Variants in CALN1 observed in about 807,000 individuals in gnomAD.
CALN1 encodes calneuron 1.
A neutral mutation model predicts 30.6 loss-of-function variants in CALN1; 17 were observed. The observed-to-expected ratio is 0.56, with a 90% CI of 0.38 to 0.83. The LOEUF is 0.83. Among genes scored for constraint, CALN1 ranks in the 40% least tolerant of loss-of-function variants. The pLI, the probability that CALN1 is intolerant of heterozygous loss-of-function variation, is 0.00. For missense variants in CALN1, 291 were observed against 354.9 expected (o/e 0.82, Z 1.45); for synonymous variants, 156 against 131.4 (o/e 1.19, Z -1.28).
Position 71,964,652 on chromosome 7 carries a change from C to G in CALN1, c.501+59005G>C, listed in dbSNP as rs572358187. Among the ~76,000 whole-genome samples the G allele has an allele frequency of 8.7e-5, 13 of 149,892 alleles. No homozygotes were observed. In the South Asian group the frequency reaches 2.3e-3, roughly 26 times the overall value. ...ACTCCAGCCTGGCAACAGAGCGAGA[C>G]TCTGTCTCAAAAAAAAACCAAACCA... On this transcript the variant is annotated intron_variant, in intron 5 of 6. Coordinates refer to ENST00000395275, the MANE Select transcript of CALN1 (RefSeq NM_031468.4).
At chr7:72,455,231 G>A in the CALN1 span, among the ~76,000 whole-genome samples, 1 of 151,924 alleles carries the variant, frequency 6.6e-6, no homozygotes, top group African/African-American at 2.4e-5. Context: ...GAGCCCAGGA[G>A]TTTGAAGCTG....
intron 3 of CALN1, among the ~76,000 whole-genome samples, chr7:72,136,518 T>C (rs1303396766): frequency 1.3e-5 from 2 of 152,238 alleles, no homozygotes; most frequent in East Asian, 3.8e-4. Flanking sequence ...GCAATAAGGC[T>C]GCTTTGCTTT....
chr7:71,934,661 G>A (rs1795736094), intron 5 of CALN1, among the ~76,000 whole-genome samples: 1 of 152,152 alleles, frequency 6.6e-6, no homozygotes, highest in African/African-American at 2.4e-5. Context: ...CTGTCCCTAT[G>A]ACCCAAACAC....
intron 2 of CALN1, among the ~76,000 whole-genome samples, chr7:72,333,195 A>T (rs2129558237): frequency 1.3e-5 from 2 of 152,274 alleles, no homozygotes; most frequent in Middle Eastern, 6.8e-3. Context: ...CAGCTCAGAC[A>T]TCACCTCCAC....
At chr7:72,135,161 C>G (rs1010119806) in intron 3 of CALN1, among the ~76,000 whole-genome samples, 3 of 152,188 alleles carry the variant, frequency 2.0e-5, no homozygotes, top group African/African-American at 7.2e-5. Flanking sequence ...AAGTCTTGAA[C>G]CCCTCAACAT....
intron 4 of CALN1, among the ~76,000 whole-genome samples, chr7:72,090,334 T>A (rs1331351992): frequency 2.0e-5 from 3 of 152,086 alleles, no homozygotes; most frequent in Non-Finnish European, 1.5e-5. Flanking sequence ...AACTAGAAAC[T>A]TAAAAATCCC....
intron 5 of CALN1, among the ~76,000 whole-genome samples, chr7:71,956,743 T>C (rs1188603147): frequency 1.3e-5 from 2 of 152,088 alleles, no homozygotes; most frequent in African/African-American, 2.4e-5. Flanking sequence ...GCCACCCAAG[T>C]TGGAGTGCAG....
intron 5 of CALN1, among the ~76,000 whole-genome samples, chr7:72,010,616 A>T (rs1800015358): frequency 1.3e-5 from 2 of 151,196 alleles, no homozygotes; most frequent in Non-Finnish European, 2.9e-5. Context: ...GTTCAAGACC[A>T]GCCTGACCAA....
chr7:72,066,961 T>C (rs1463957504), intron 4 of CALN1, among the ~76,000 whole-genome samples: 1 of 151,652 alleles, frequency 6.6e-6, no homozygotes, highest in Admixed American at 6.6e-5. Flanking sequence ...TTTTTTTTTT[T>C]GTATTTTAGT....
At chr7:72,150,806 T>C (rs1787175565) in intron 3 of CALN1, among the ~76,000 whole-genome samples, 1 of 152,176 alleles carries the variant, frequency 6.6e-6, no homozygotes, top group African/African-American at 2.4e-5. Flanking sequence ...GACTCAGTAA[T>C]GTAAAACATG....
chr7:72,301,821 C>G (rs575295460), intron 2 of CALN1, among the ~76,000 whole-genome samples: 7 of 152,218 alleles, frequency 4.6e-5, no homozygotes, highest in Middle Eastern at 6.8e-3. Flanking sequence ...GAGAGAAAGG[C>G]TGCTACTAAA....
At chr7:72,401,440 T>C (rs911216368) in intron 2 of CALN1, among the ~76,000 whole-genome samples, 1 of 152,120 alleles carries the variant, frequency 6.6e-6, no homozygotes, top group African/African-American at 2.4e-5. Flanking sequence ...AATGTGTGGA[T>C]ACATCCCCAA....
intron 2 of CALN1, among the ~76,000 whole-genome samples, chr7:72,401,653 C>T: frequency 6.6e-6 from 1 of 152,134 alleles, no homozygotes; most frequent in Non-Finnish European, 1.5e-5. Flanking sequence ...CACTCAACTG[C>T]CTAATTCACG....
At chr7:72,314,012 G>A (rs369447664) in intron 2 of CALN1, among the ~76,000 whole-genome samples, 67 of 152,296 alleles carry the variant, frequency 4.4e-4, no homozygotes, top group African/African-American at 1.3e-3. Flanking sequence ...CTCACCCATG[G>A]AGTCAGCACA....
intron 3 of CALN1, among the ~76,000 whole-genome samples, chr7:72,211,832 T>TTCTA (rs1325846531): frequency 2.0e-5 from 3 of 152,146 alleles, no homozygotes; most frequent in Admixed American, 2.0e-4. Context: ...CTGAGCCAGT[T>TTCTA]TCTACATCTC....
chr7:72,242,745 A>T (rs1264373154), intron 3 of CALN1, among the ~76,000 whole-genome samples: 1 of 152,084 alleles, frequency 6.6e-6, no homozygotes, highest in Non-Finnish European at 1.5e-5. Flanking sequence ...AAAATTATAC[A>T]GGCGTGGTGG....
chr7:71,986,470 G>A (rs1798679034), intron 5 of CALN1, among the ~76,000 whole-genome samples: 1 of 152,234 alleles, frequency 6.6e-6, no homozygotes, highest in Non-Finnish European at 1.5e-5. Flanking sequence ...AACACGCACA[G>A]TGTGGGTGAA....
the CALN1 span, among the ~76,000 whole-genome samples, chr7:72,487,763 GTA>G: frequency 2.0e-5 from 1 of 48,982 alleles, no homozygotes; most frequent in Admixed American, 1.8e-4. Flanking sequence ...GGAAGGAAGG[GTA>G]AAGAAAGAAA....
intron 2 of CALN1, among the ~76,000 whole-genome samples, chr7:72,401,491 C>T (rs866392671): frequency 1.6e-4 from 24 of 152,258 alleles, no homozygotes; most frequent in South Asian, 1.0e-3. Context: ...CGTGTGTGCG[C>T]GCACACAAAT....
Sources: gnomAD v4.1 joint callset for allele counts (sites outside exome capture counted in the v4.1 genomes callset) on GRCh38, gnomAD v4.1.1 for gene constraint, MANE v1.5 for transcripts, NCBI Gene and HGNC (gene_info 2026-07-23, HGNC 2026-07-21) for gene names.